Variants in ASS1 observed in about 807,000 individuals in gnomAD.
The protein encoded by ASS1 is argininosuccinate synthase.
In ASS1, 58 loss-of-function variants were observed where a neutral mutation model predicts 60.5. The observed-to-expected ratio is 0.96, with a 90% CI of 0.78 to 1.19. The LOEUF (loss-of-function observed/expected upper bound fraction) is 1.19. Among genes scored for constraint, ASS1 ranks in the 50% most tolerant of loss-of-function variants. The pLI is 0.00. For missense variants in ASS1, 454 were observed against 547.3 expected, an observed-to-expected ratio of 0.83 and a Z score of 1.70; for synonymous variants, 200 against 206.9, an observed-to-expected ratio of 0.97 and a Z score of 0.29.
chr9:130,466,893 G>T, intron 6 of ASS1, 94 bp downstream of exon 6: 1 of 1,412,284 alleles, frequency 7.1e-7, no homozygotes, highest in East Asian at 2.4e-5. Context: ...AGTGGCCTAG[G>T]CCGGGACTGA....
rs371235540 is a variant in ASS1, at chr9:130,466,819, C to T, written c.495+20C>T. Reference sequence around the variant, plus strand: ...GCAAAGGTATGGCCGAGTCTCCCCACCACCCCCAACCTTTCCCTATAGCCC... The same window carrying T: ...GCAAAGGTATGGCCGAGTCTCCCCATCACCCCCAACCTTTCCCTATAGCCC... On this transcript the variant is annotated intron_variant, in intron 6 of 14. Transcript: ENST00000352480. 8 of 1,611,896 alleles carry T rather than the reference C, an allele frequency of 5.0e-6. No homozygotes were observed. Among genetic ancestry groups the T allele is most frequent in the Non-Finnish European group, 5.9e-6 (7 of 1,178,192 alleles).
At chr9:130,471,990 G>T (rs187668931) in intron 8 of ASS1, among the ~76,000 whole-genome samples, 71 of 152,290 alleles carry the variant, frequency 4.7e-4, no homozygotes, top group Non-Finnish European at 8.8e-4. Context: ...ACCCTGATCC[G>T]GTCCCAAGCT....
chr9:130,477,087 G>T lies in ASS1; in HGVS notation c.688+126G>T, dbSNP rs1846041368. The stretch of plus-strand genomic sequence containing the variant: ...TGCATTCCTGGAAGCTAGAGTTCAG[G>T]CAGGGGCTTCAAGGTAACGCACAGC... On this transcript the variant is annotated intron_variant, in intron 9 of 14. Coordinates refer to ENST00000352480, the MANE Select transcript of ASS1 (RefSeq NM_054012.4). This position sits in a 1 kb window ranked among gnomAD's most constrained non-coding sequence, Gnocchi z 4.2. The T allele has an allele frequency of 9.7e-7, 1 of 1,032,948 alleles. No individual in the cohort carries two copies. The highest frequency in any genetic ancestry group is 2.6e-5 in the East Asian group (1 of 38,900). The allele number at this position is 1,032,948 out of a possible 1,614,324, so 64.0% of individuals were successfully genotyped here.
Position 130,470,724 on chromosome 9 carries a change from C to A in ASS1, c.496-110C>A. 1 of 1,101,130 alleles carries A rather than the reference C, an allele frequency of 9.1e-7. No individual in the cohort carries two copies. Among genetic ancestry groups the A allele is most frequent in the Non-Finnish European group, 1.4e-6 (1 of 719,172 alleles). 68.2% of individuals were successfully genotyped at this position (1,101,130 alleles called of 1,614,324 possible). On this transcript the variant is annotated intron_variant, in intron 6 of 14. Coordinates refer to ENST00000352480, the MANE Select transcript of ASS1 (RefSeq NM_054012.4). This position sits in a 1 kb window ranked among gnomAD's most constrained non-coding sequence, Gnocchi z 4.3. ...CACTAGGAGGTAGCCAGGGTCTTGTCTGAATGGGGGCCAGAGTTTGGGGCT... is the reference window on the plus strand; with the variant it reads ...CACTAGGAGGTAGCCAGGGTCTTGTATGAATGGGGGCCAGAGTTTGGGGCT...
At chr9:130,485,976 G>C (rs530087047) in intron 11 of ASS1, among the ~76,000 whole-genome samples, 8 of 152,060 alleles carry the variant, frequency 5.3e-5, no homozygotes, top group Non-Finnish European at 8.8e-5. Context: ...GTTTGTGTGC[G>C]GTCATCATGT....
Position 130,476,780 on chromosome 9 carries a change from A to T in ASS1, c.598-91A>T, listed in dbSNP as rs573259974. The T allele has an allele frequency of 1.6e-6, 2 of 1,212,690 alleles. No individual in the cohort carries two copies. The highest frequency in any genetic ancestry group is 3.0e-5 in the African/African-American group (2 of 66,814). 75.1% of individuals were successfully genotyped at this position (1,212,690 alleles called of 1,614,324 possible). ...CACCAGCTGGTGGGGAAATGGACAG[A>T]GGAGAGGGGTGCAGATCCCCGCGGG... On this transcript the variant is annotated intron_variant, in intron 8 of 14. Transcript: ENST00000352480. This position sits in a 1 kb window ranked among gnomAD's most constrained non-coding sequence, Gnocchi z 4.9.
chr9:130,466,918 G>GTCA, intron 6 of ASS1, 119 bp downstream of exon 6: 1 of 1,181,440 alleles, frequency 8.5e-7, no homozygotes, highest in Non-Finnish European at 1.2e-6. Flanking sequence ...ATGTGATGGG[G>GTCA]GATTGAACTT....
In ASS1 at chr9:130,454,266, C is replaced by T. The variant is rs773787207; in HGVS notation, c.106-39C>T. The T allele has an allele frequency of 3.1e-6, 5 of 1,596,094 alleles. No individual in the cohort carries two copies. In the African/African-American group the frequency reaches 4.0e-5, roughly 13 times the overall value. ...CGGATGGTGTGAACTCAGGGCTCCC[C>T]CCAGGGGCTGACGGAGCCTCTCCGC... On this transcript the variant is annotated intron_variant, in intron 2 of 14. Coordinates refer to ENST00000352480, the MANE Select transcript of ASS1 (RefSeq NM_054012.4).
chr9:130,491,307 G>T lies in ASS1; in HGVS notation c.970+1843G>T, dbSNP rs1846444280. Among the ~76,000 whole-genome samples, 1 of 152,178 alleles carries T rather than the reference G, an allele frequency of 6.6e-6. No individual in the cohort carries two copies. Among genetic ancestry groups the T allele is most frequent in the Admixed American group, 6.5e-5 (1 of 15,284 alleles). On this transcript the variant is annotated intron_variant, in intron 12 of 14. Transcript: ENST00000352480. The surrounding 1 kb of genome is among the most constrained non-coding windows in gnomAD (Gnocchi z 5.3). ...AGAGAGTCATTAAGACGTGGCGGAG[G>T]AGAGAGCACCTGGCCGGGCTGCTCC...
rs1004632419 is a variant in ASS1 at position 130,470,969 on chromosome 9, G to T, written c.566+65G>T. 2.6e-6 allele frequency: 4 copies of T among 1,555,618 alleles called. No homozygotes were observed. The Admixed American group carries it at 6.7e-5, about 26-fold the overall frequency. On this transcript the variant is annotated intron_variant, in intron 7 of 14. Coordinates refer to ENST00000352480, the MANE Select transcript of ASS1 (RefSeq NM_054012.4). This position sits in a 1 kb window ranked among gnomAD's most constrained non-coding sequence, Gnocchi z 4.3. Reference sequence around the variant, plus strand: ...TCATTCCAAAGGACGGCCACGCGCTGCCCCAGGACGTCCTGGTGACCCCCA... The same window carrying T: ...TCATTCCAAAGGACGGCCACGCGCTTCCCCAGGACGTCCTGGTGACCCCCA...
At chr9:130,447,882 G>T (rs1473902191) in intron 1 of ASS1, among the ~76,000 whole-genome samples, 2 of 152,164 alleles carry the variant, frequency 1.3e-5, no homozygotes, top group African/African-American at 4.8e-5. Context: ...ATACATGCTT[G>T]GTGCCCAGCT....
chr9:130,485,627 G>A (rs532285338), intron 11 of ASS1, among the ~76,000 whole-genome samples: 37 of 152,274 alleles, frequency 2.4e-4, no homozygotes, highest in African/African-American at 8.4e-4. Flanking sequence ...GCGCCATTAC[G>A]ACTCTGTGGC....
intron 8 of ASS1, among the ~76,000 whole-genome samples, chr9:130,472,759 G>A (rs889528787): frequency 2.0e-5 from 3 of 152,194 alleles, no homozygotes; most frequent in African/African-American, 7.2e-5. Context: ...TAATTAGCCA[G>A]TCAGTCAGCT....
intron 1 of ASS1, among the ~76,000 whole-genome samples, chr9:130,449,841 A>C (rs188593176): frequency 3.3e-5 from 5 of 152,326 alleles, no homozygotes; most frequent in East Asian, 1.9e-4. Context: ...ATTGGACACA[A>C]AAAAATATGC....
At chr9:130,445,055 G>C (rs1289594872) in intron 1 of ASS1, 60 bp downstream of exon 1, 1 of 718,208 alleles carries the variant, frequency 1.4e-6, no homozygotes, top group Admixed American at 6.3e-5. Flanking sequence ...CCGCTTCCCG[G>C]GCCCAGAGGA....
rs575650478 is a variant in ASS1, at chr9:130,471,628, C to T, written c.597+113C>T. The T allele has an allele frequency of 3.6e-4, 493 of 1,359,454 alleles. 1 individual carries two copies. The African/African-American group carries it at 6.4e-3, about 18-fold the overall frequency. 84.2% of individuals were successfully genotyped at this position (1,359,454 alleles called of 1,614,324 possible). ...AATTTGAAATTTCACGGGGGCCAGC[C>T]GTGGGGCTGGGGCCGAGCCCTGCCT... On this transcript the variant is annotated intron_variant, in intron 8 of 14. Coordinates refer to ENST00000352480, the MANE Select transcript of ASS1 (RefSeq NM_054012.4).
chr9:130,474,075 CA>C, intron 8 of ASS1, among the ~76,000 whole-genome samples: 1 of 101,246 alleles, frequency 9.9e-6, no homozygotes, highest in South Asian at 3.7e-4. Flanking sequence ...CCCCCCCCCC[CA>C]CAGATGACAT....
intron 7 of ASS1, 91 bp from the exon 8 acceptor site, chr9:130,471,394 G>A: frequency 6.6e-7 from 1 of 1,510,984 alleles, no homozygotes; most frequent in Non-Finnish European, 9.2e-7. Flanking sequence ...GGCAGACCAG[G>A]CTCATGGGCA....
intron 8 of ASS1, among the ~76,000 whole-genome samples, chr9:130,475,821 A>G (rs145728857): frequency 0.013 from 1,950 of 150,064 alleles, 45 homozygotes; most frequent in African/African-American, 0.046. Flanking sequence ...CAGTGGTGCA[A>G]TCTCGGCTCA....
Sources: gnomAD v4.1 joint callset for allele counts (sites outside exome capture counted in the v4.1 genomes callset) on GRCh38, gnomAD v4.1.1 for gene constraint, Gnocchi (gnomAD v3.1) non-coding constraint, MANE v1.5 for transcripts, NCBI Gene and HGNC (gene_info 2026-07-23, HGNC 2026-07-21) for gene names.